Variants in PIK3C2G observed in about 807,000 individuals in gnomAD.
PIK3C2G encodes phosphatidylinositol 3-kinase C2 domain-containing subunit gamma.
PIK3C2G carries 168 observed loss-of-function variants against 181.1 expected under a neutral mutation model. The observed-to-expected ratio is 0.93, with a 90% confidence interval of 0.82 to 1.05. The LOEUF is 1.05. Ranked by LOEUF, PIK3C2G falls within the 50% of genes least tolerant of loss-of-function variation. The probability of loss-of-function intolerance (pLI) is 0.00; values close to 1 mark genes in which losing one functional copy is unlikely to be tolerated. For missense variants in PIK3C2G, 1,869 were observed against 1,732.8 expected (o/e 1.08, Z -1.40); for synonymous variants, 573 against 592.2 (o/e 0.97, Z 0.47).
At chr12:18,424,141 C>G in intron 18 of PIK3C2G, 102 bp downstream of exon 18, 1 of 674,446 alleles carries the variant, frequency 1.5e-6, no homozygotes, top group Middle Eastern at 2.5e-4. Flanking sequence ...ATAATTGATA[C>G]AGACCATAAA....
At position 18,302,277 on chromosome 12, in the gene PIK3C2G, A is replaced by G. The variant is rs375853799; in HGVS notation, c.1034+8262A>G. ...GCCCCTGGCAGTGCGCCTACAATCA[A>G]TGATGAAAGTAGCAGAGAAGAAGCA... On this transcript the variant is annotated intron_variant, in intron 5 of 32. Coordinates refer to ENST00000538779, the MANE Select transcript of PIK3C2G (RefSeq NM_001288772.2). 5.9e-5 allele frequency among the ~76,000 whole-genome samples: 9 copies of G among 152,244 alleles called. No homozygotes were observed. In the South Asian group the frequency reaches 1.5e-3, roughly 25 times the overall value.
intron 30 of PIK3C2G, among the ~76,000 whole-genome samples, chr12:18,606,893 T>G (rs778969657): frequency 1.3e-4 from 20 of 152,098 alleles, no homozygotes; most frequent in Non-Finnish European, 2.9e-5. Flanking sequence ...TTAAAAAAAC[T>G]AAATTTCTCA....
chr12:18,710,498 C>T, the PIK3C2G span, among the ~76,000 whole-genome samples: 1 of 151,874 alleles, frequency 6.6e-6, no homozygotes, highest in African/African-American at 2.4e-5. Context: ...CAAATTTCAG[C>T]TTTTATTTTG....
chr12:18,477,156 C>A (rs185731875), intron 18 of PIK3C2G, among the ~76,000 whole-genome samples: 373 of 152,208 alleles, frequency 2.5e-3, no homozygotes, highest in Admixed American at 7.1e-3. Context: ...GGGATTAAGT[C>A]CCCAGTCTTA....
At chr12:18,423,812 C>A (rs1025425615) in intron 17 of PIK3C2G, 133 bp from the exon 18 acceptor site, 3 of 622,892 alleles carry the variant, frequency 4.8e-6, no homozygotes, top group Non-Finnish European at 5.8e-6. Context: ...ATAAAATCAT[C>A]GAATGTGTTA....
rs1363115970 is a variant in PIK3C2G at position 18,434,285 on chromosome 12, C to T, written c.2504+10246C>T. Among the ~76,000 whole-genome samples, 3 of 152,184 alleles carry T rather than the reference C, an allele frequency of 2.0e-5. No homozygotes were observed. In the East Asian group the frequency reaches 5.8e-4, roughly 29 times the overall value. ...AGATCCTGAACATCTTCCATTAGACCCCCACCTGTCAATACTGTTGCAATG... is the reference window on the plus strand; with the variant it reads ...AGATCCTGAACATCTTCCATTAGACTCCCACCTGTCAATACTGTTGCAATG... On this transcript the variant is annotated intron_variant, in intron 18 of 32. Transcript: ENST00000538779.
chr12:18,693,304 T>A, the PIK3C2G span: 1 of 1,531,700 alleles, frequency 6.5e-7, no homozygotes, highest in East Asian at 2.3e-5. Flanking sequence ...GTGATGAAGG[T>A]GGAAAAGGCC....
chr12:18,488,647 T>C lies in PIK3C2G; in HGVS notation c.2685+18T>C. 7.0e-7 allele frequency: 1 copy of C among 1,426,300 alleles called. No homozygotes were observed. The allele number at this position is 1,426,300 out of a possible 1,614,324, so 88.4% of individuals were successfully genotyped here. ...AAAGACAGGTTTGTTGAAATATTAA[T>C]ATTCAGGTAGTAATGTTTTTAACTT... On this transcript the variant is annotated intron_variant, in intron 19 of 32. Transcript: ENST00000538779.
intron 20 of PIK3C2G, 58 bp from the exon 21 acceptor site, chr12:18,496,004 T>C: frequency 1.2e-6 from 1 of 862,444 alleles, no homozygotes; most frequent in Non-Finnish European, 1.8e-6. Flanking sequence ...GTTTGCTTTT[T>C]GGGGATTGGG....
the PIK3C2G span, chr12:18,693,144 G>A: frequency 4.9e-5 from 74 of 1,516,372 alleles, no homozygotes; most frequent in Admixed American, 8.2e-4. Flanking sequence ...TCATGCCATC[G>A]TGTCTACATC....
In PIK3C2G at chr12:18,615,330, G is replaced by A. The variant is rs1948546694; in HGVS notation, c.4182+5701G>A. The stretch of plus-strand genomic sequence containing the variant: ...TTTTTATGGCTGAGTAGTATTCCAC[G>A]GTGTGTGTGTGTGTGTGTGTGTGTG... On this transcript the variant is annotated intron_variant, in intron 31 of 32. Transcript: ENST00000538779. Among the ~76,000 whole-genome samples the A allele has an allele frequency of 2.2e-5, 3 of 138,218 alleles. No individual in the cohort carries two copies. In the South Asian group the frequency reaches 7.0e-4, roughly 32 times the overall value. 90.7% of individuals were successfully genotyped at this position (138,218 alleles called of 152,430 possible). A position where few individuals can be genotyped will look rare whatever the true frequency, so the allele number is the denominator to read the frequency against.
chr12:18,616,176 T>A (rs1948601518), intron 31 of PIK3C2G, among the ~76,000 whole-genome samples: 1 of 152,106 alleles, frequency 6.6e-6, no homozygotes, highest in Non-Finnish European at 1.5e-5. Context: ...ATATACACCA[T>A]CTATTTGATA....
the PIK3C2G span, chr12:18,723,250 G>A: frequency 6.9e-7 from 1 of 1,445,568 alleles, no homozygotes; most frequent in South Asian, 1.3e-5. Flanking sequence ...AATAATTTTT[G>A]AAAAAAGAAA....
At chr12:18,650,700 G>GTATATATCTA (rs1950438410), downstream of PIK3C2G, among the ~76,000 whole-genome samples, 10 of 43,832 alleles carry the variant, frequency 2.3e-4, no homozygotes, top group Non-Finnish European at 3.8e-4. Context: ...GTGTGTGTGT[G>GTATATATCTA]TGTGTATATA....
rs577884515 is a variant in PIK3C2G at position 18,345,758 on chromosome 12, G to C, written c.1430-883G>C. On this transcript the variant is annotated intron_variant, in intron 10 of 32. Coordinates refer to ENST00000538779, the MANE Select transcript of PIK3C2G (RefSeq NM_001288772.2). ...TTAAGTTTACTTAAGGTAACAAACT[G>C]TGGAAAGCGAAAGTACTGTTAAGAC... Among the ~76,000 whole-genome samples the C allele has an allele frequency of 4.6e-5, 7 of 152,134 alleles. No homozygotes were observed. In the South Asian group the frequency reaches 1.5e-3, roughly 32 times the overall value.
At chr12:18,305,933 C>CT (rs71061297) in intron 5 of PIK3C2G, among the ~76,000 whole-genome samples, 8,852 of 143,878 alleles carry the variant, frequency 0.062, 341 homozygotes, top group African/African-American at 0.12. Context: ...CCATTGTTAT[C>CT]TTTTTTTTTT....
At chr12:18,338,134 A>G (rs757475820) in intron 8 of PIK3C2G, among the ~76,000 whole-genome samples, 60 of 151,902 alleles carry the variant, frequency 3.9e-4, no homozygotes, top group Non-Finnish European at 7.9e-4. Context: ...CCTCTTCCTT[A>G]CCACTTCCTC....
intron 1 of PIK3C2G, among the ~76,000 whole-genome samples, chr12:18,281,499 G>A (rs531342616): frequency 1.3e-5 from 2 of 151,732 alleles, no homozygotes; most frequent in Non-Finnish European, 2.9e-5. Flanking sequence ...AGTATAAAAG[G>A]CTCTGCAATT....
chr12:18,484,320 AT>A (rs1939837109), intron 18 of PIK3C2G, among the ~76,000 whole-genome samples: 1 of 152,214 alleles, frequency 6.6e-6, no homozygotes, highest in African/African-American at 2.4e-5. Context: ...TACTTTGGAA[AT>A]TATCAGAATG....
Sources: gnomAD v4.1 joint callset for allele counts (sites outside exome capture counted in the v4.1 genomes callset) on GRCh38, gnomAD v4.1.1 for gene constraint, MANE v1.5 for transcripts, NCBI Gene and HGNC (gene_info 2026-07-23, HGNC 2026-07-21) for gene names.